Variants in NOS1AP observed in about 807,000 individuals in gnomAD.
NOS1AP encodes the protein nitric oxide synthase 1 adaptor protein.
NOS1AP carries 21 observed loss-of-function variants against 56.2 expected under a neutral mutation model. That is an observed-to-expected ratio of 0.37 (90% CI 0.26 to 0.54). The LOEUF is 0.54. Ranked by LOEUF, NOS1AP falls within the 20% of genes least tolerant of loss-of-function variation. NOS1AP has a pLI of 0.84. For synonymous variants in NOS1AP, 270 were observed against 274.6 expected (o/e 0.98, Z 0.17); for missense variants, 522 against 657.8 (o/e 0.79, Z 2.26).
At position 162,272,141 on chromosome 1, in the gene NOS1AP, C is replaced by T. The variant is rs573475983; in HGVS notation, c.178-15203C>T. Among the ~76,000 whole-genome samples, 3 of 152,286 alleles carry T rather than the reference C, an allele frequency of 2.0e-5. No homozygotes were observed. In the South Asian group the frequency reaches 6.2e-4, roughly 32 times the overall value. ...TGTGGGGATTACAGGCATGAGCCAC[C>T]ACTCCTGGCAAGTACTGTTTTTATA... is the stretch of plus-strand genomic sequence containing the variant. On this transcript the variant is annotated intron_variant, in intron 2 of 9. Transcript: ENST00000361897.
chr1:162,339,343 C>A (rs889047796), intron 5 of NOS1AP, among the ~76,000 whole-genome samples: 1 of 151,530 alleles, frequency 6.6e-6, no homozygotes, highest in African/African-American at 2.4e-5. Flanking sequence ...CTTTTATGGG[C>A]TTATGTAAAA....
intron 1 of NOS1AP, among the ~76,000 whole-genome samples, chr1:162,081,774 A>ATATTTTTTTTTTTT: frequency 4.5e-5 from 2 of 44,060 alleles, no homozygotes; most frequent in African/African-American, 1.5e-4. Context: ...ATATATATAT[A>ATATTTTTTTTTTTT]TTTTTTTTTT....
chr1:162,344,026 T>A (rs1446870788), intron 6 of NOS1AP, 50 bp downstream of exon 6: 3 of 1,603,856 alleles, frequency 1.9e-6, no homozygotes, highest in Non-Finnish European at 2.6e-6. Flanking sequence ...GTGCACACAG[T>A]AGGCTCTGGT....
At position 162,070,006 on chromosome 1, in the gene NOS1AP, C is replaced by T. The variant is rs1691625679; in HGVS notation, c.-172C>T. 1.0e-5 allele frequency: 4 copies of T among 394,946 alleles called. No homozygotes were observed. The Middle Eastern group carries it at 2.1e-3, about 211-fold the overall frequency. The allele number at this position is 394,946 out of a possible 1,614,324, so 24.5% of individuals were successfully genotyped here. On this transcript the variant is annotated 5_prime_UTR_variant, in exon 1 of 10. Coordinates refer to ENST00000361897, the MANE Select transcript of NOS1AP (RefSeq NM_014697.3). ...ATCAGCTCAGCCCGCTGCCGCTCGG[C>T]CCTCGGCACCGCTCCGGGTCCGGCC... is the stretch of plus-strand genomic sequence containing the variant.
chr1:162,331,937 A>C (rs907181446), intron 4 of NOS1AP, among the ~76,000 whole-genome samples: 1 of 152,140 alleles, frequency 6.6e-6, no homozygotes, highest in Non-Finnish European at 1.5e-5. Context: ...TGCCCACCCC[A>C]AGCAGCCAGA....
intron 1 of NOS1AP, among the ~76,000 whole-genome samples, chr1:162,150,979 G>T (rs1408508325): frequency 6.6e-6 from 1 of 152,082 alleles, no homozygotes; most frequent in Non-Finnish European, 1.5e-5. Context: ...GATCCCATTT[G>T]TCTATTTTTG....
chr1:162,343,196 T>G (rs189271304), intron 5 of NOS1AP, among the ~76,000 whole-genome samples: 37 of 152,320 alleles, frequency 2.4e-4, no homozygotes, highest in Admixed American at 7.8e-4. Flanking sequence ...AGTTCTCTTC[T>G]TGGGCTCTTA....
At chr1:162,239,958 G>A (rs968061737) in intron 2 of NOS1AP, among the ~76,000 whole-genome samples, 1 of 152,178 alleles carries the variant, frequency 6.6e-6, no homozygotes, top group African/African-American at 2.4e-5. Context: ...AGATGTAGAG[G>A]GAAGGTGACT....
At chr1:162,287,990 G>A (rs1321010144) in intron 3 of NOS1AP, among the ~76,000 whole-genome samples, 2 of 152,154 alleles carry the variant, frequency 1.3e-5, no homozygotes, top group Admixed American at 6.5e-5. Context: ...TGGCCAGGTC[G>A]GGAGGATGGG....
At chr1:162,126,496 C>T (rs960989609) in intron 1 of NOS1AP, among the ~76,000 whole-genome samples, 3 of 151,448 alleles carry the variant, frequency 2.0e-5, no homozygotes, top group Non-Finnish European at 4.4e-5. Flanking sequence ...ATGATGTTAA[C>T]CTTCACAGTT....
At chr1:162,260,624 T>TA (rs1654177662) in intron 2 of NOS1AP, among the ~76,000 whole-genome samples, 1 of 152,180 alleles carries the variant, frequency 6.6e-6, no homozygotes, top group South Asian at 2.1e-4. Flanking sequence ...TACCTTAACT[T>TA]ATATATCCAA....
chr1:162,223,878 A>G (rs1471456175), intron 2 of NOS1AP, among the ~76,000 whole-genome samples: 1 of 152,230 alleles, frequency 6.6e-6, no homozygotes, highest in African/African-American at 2.4e-5. Context: ...ATGAAAATAT[A>G]TATGTGCATA....
intron 2 of NOS1AP, among the ~76,000 whole-genome samples, chr1:162,254,087 A>G (rs962283933): frequency 4.6e-5 from 7 of 152,128 alleles, no homozygotes. Flanking sequence ...TTTTTGAGTA[A>G]TTGTTTTTGA....
chr1:162,174,074 A>G (rs1650939352), intron 2 of NOS1AP, among the ~76,000 whole-genome samples: 1 of 152,194 alleles, frequency 6.6e-6, no homozygotes, highest in African/African-American at 2.4e-5. Flanking sequence ...TACCCAAAGG[A>G]TTATAAATCA....
intron 1 of NOS1AP, among the ~76,000 whole-genome samples, chr1:162,093,722 TTTTTA>T (rs138700792): frequency 0.51 from 76,434 of 151,266 alleles, 21,403 homozygotes; most frequent in Non-Finnish European, 0.64. Flanking sequence ...CCTGGCTAAC[TTTTTA>T]TTTTTAGTGG....
chr1:162,296,746 A>G (rs1318907154), intron 3 of NOS1AP, among the ~76,000 whole-genome samples: 1 of 152,190 alleles, frequency 6.6e-6, no homozygotes, highest in African/African-American at 2.4e-5. Context: ...GTTACATTCT[A>G]TAGAATTGCT....
chr1:162,105,687 A>T (rs1237165133), intron 1 of NOS1AP, among the ~76,000 whole-genome samples: 1 of 152,200 alleles, frequency 6.6e-6, no homozygotes, highest in Non-Finnish European at 1.5e-5. Flanking sequence ...TCTGGCCACG[A>T]TCTGGCAAGG....
intron 1 of NOS1AP, among the ~76,000 whole-genome samples, chr1:162,097,112 G>A (rs1193233523): frequency 7.7e-6 from 1 of 129,736 alleles, no homozygotes; most frequent in Non-Finnish European, 1.7e-5. Flanking sequence ...GTTTTTGCCA[G>A]TATGCTGGGT....
At chr1:162,206,623 C>G (rs1447809655) in intron 2 of NOS1AP, among the ~76,000 whole-genome samples, 1 of 152,146 alleles carries the variant, frequency 6.6e-6, no homozygotes, top group African/African-American at 2.4e-5. Context: ...GTTTTTGTAT[C>G]ACAGGAATTT....
Sources: allele counts gnomAD v4.1 joint callset (sites outside exome capture counted in the v4.1 genomes callset), GRCh38; gene constraint gnomAD v4.1.1; transcripts MANE v1.5; gene names NCBI Gene and HGNC (gene_info 2026-07-23, HGNC 2026-07-21).